Variants in MIER1 observed in about 807,000 individuals in gnomAD.
MIER1 encodes mesoderm induction early response protein 1.
Under a neutral mutation model 75.7 loss-of-function variants are expected in MIER1, and 40 were observed. The observed-to-expected ratio is 0.53, with a 90% CI of 0.41 to 0.69. The LOEUF (loss-of-function observed/expected upper bound fraction) is 0.69. MIER1 is among the 30% of genes least tolerant of loss of function. MIER1 has a pLI of 0.00. For missense variants in MIER1, 574 were observed against 680.2 expected (o/e 0.84, Z 1.74); for synonymous variants, 213 against 223.4 (o/e 0.95, Z 0.42).
intron 2 of MIER1, among the ~76,000 whole-genome samples, chr1:66,939,708 A>G (rs956649361): frequency 6.6e-6 from 1 of 152,148 alleles, no homozygotes; most frequent in Admixed American, 6.5e-5. Context: ...GAAAATTCCA[A>G]GATCTAAAAT....
At chr1:66,946,571 A>G in intron 4 of MIER1, 5 of 1,095,080 alleles carry the variant, frequency 4.6e-6, no homozygotes, top group African/African-American at 1.6e-5. Flanking sequence ...AAAATGGACT[A>G]TAAAAGGATT....
chr1:66,934,212 A>G (rs1164430681), intron 2 of MIER1, among the ~76,000 whole-genome samples: 1 of 152,162 alleles, frequency 6.6e-6, no homozygotes. Flanking sequence ...TTAGGTTTCT[A>G]GAGCAATTTA....
chr1:66,957,996 T>A, intron 4 of MIER1, 63 bp from the exon 5 acceptor site: 1 of 1,052,534 alleles, frequency 9.5e-7, no homozygotes, highest in Non-Finnish European at 1.4e-6. Flanking sequence ...GATTTGTGGA[T>A]TATAGCCTGG....
chr1:66,944,916 G>T (rs570228679), intron 3 of MIER1, among the ~76,000 whole-genome samples: 2 of 151,796 alleles, frequency 1.3e-5, no homozygotes, highest in Non-Finnish European at 2.9e-5. Flanking sequence ...TGTAGAGACG[G>T]TGTCTCATTA....
chr1:66,946,876 A>G, intron 4 of MIER1: 1 of 985,204 alleles, frequency 1.0e-6, no homozygotes, highest in Non-Finnish European at 1.2e-6. Flanking sequence ...TCTGGAGTAC[A>G]CCACTGTCTG....
At chr1:66,929,197 A>C (rs1351856796) in intron 2 of MIER1, 1 of 538,484 alleles carries the variant, frequency 1.9e-6, no homozygotes, top group Non-Finnish European at 3.3e-6. Context: ...ACATTTATGC[A>C]ATGTAGTATT....
chr1:66,928,855 C>A, intron 2 of MIER1: 1 of 1,474,550 alleles, frequency 6.8e-7, no homozygotes, highest in Non-Finnish European at 9.4e-7. Context: ...TTAAAGTTTT[C>A]CTTTCTCTTC....
chr1:66,947,412 C>G (rs1035353528), intron 4 of MIER1: 6 of 152,024 alleles, frequency 3.9e-5, no homozygotes, highest in African/African-American at 1.2e-4. Context: ...TTTCCCTGTC[C>G]TATCAGTAAA....
chr1:66,985,704 G>C lies in MIER1; in HGVS notation c.*804G>C. The C allele has an allele frequency of 1.0e-6, 1 of 984,712 alleles. No individual in the cohort carries two copies. The highest frequency in any genetic ancestry group is 1.2e-6 in the Non-Finnish European group (1 of 829,536). 61.0% of individuals were successfully genotyped at this position (984,712 alleles called of 1,614,324 possible). ...AGGAATTGTTATTCTGAGTCTGTCAGCTTTCATTTTATTTTGCTAAGGTTT... is the reference window on the plus strand; with the variant it reads ...AGGAATTGTTATTCTGAGTCTGTCACCTTTCATTTTATTTTGCTAAGGTTT... On this transcript the variant is annotated 3_prime_UTR_variant, in exon 14 of 14. Transcript: ENST00000401041.
At position 66,988,303 on chromosome 1, in the gene MIER1, T is replaced by TA. The variant is rs200734334; in HGVS notation, c.*3404dup. 889 of 152,454 alleles carry TA rather than the reference T, an allele frequency of 5.8e-3. 2 individuals are homozygous for TA. The highest frequency in any genetic ancestry group is 0.028 in the South Asian group (135 of 4,828). 9.4% of individuals were successfully genotyped at this position (152,454 alleles called of 1,614,324 possible). ...TTTCTGTATCACATAATTCTACTGA[T>TA]ACAACTTTTTACCGTAAAAATTAAC... On this transcript the variant is annotated 3_prime_UTR_variant, in exon 14 of 14. Coordinates refer to ENST00000401041, the MANE Select transcript of MIER1 (RefSeq NM_001077700.3).
At chr1:66,942,940 A>G (rs932425989) in intron 3 of MIER1, among the ~76,000 whole-genome samples, 5 of 152,180 alleles carry the variant, frequency 3.3e-5, no homozygotes, top group Non-Finnish European at 7.4e-5. Context: ...ATGAACTTGA[A>G]TTTTTTTAAA....
At chr1:66,950,597 A>G (rs1323674711) in intron 4 of MIER1, among the ~76,000 whole-genome samples, 1 of 152,236 alleles carries the variant, frequency 6.6e-6, no homozygotes, top group East Asian at 1.9e-4. Flanking sequence ...TAACAGTATC[A>G]GTATTTAATA....
At chr1:66,972,228 T>C (rs1307476777) in intron 10 of MIER1, among the ~76,000 whole-genome samples, 3 of 102,744 alleles carry the variant, frequency 2.9e-5, no homozygotes, top group Non-Finnish European at 4.0e-5. Flanking sequence ...TATATATATA[T>C]ACACTACATA....
At chr1:66,940,101 C>T (rs777266007) in intron 3 of MIER1, 49 bp downstream of exon 3, 3 of 1,393,734 alleles carry the variant, frequency 2.2e-6, no homozygotes, top group Non-Finnish European at 3.1e-6. Context: ...TAACATTTGT[C>T]CTACTAGTTG....
chr1:66,930,088 C>T (rs1278218281), intron 2 of MIER1, among the ~76,000 whole-genome samples: 3 of 152,126 alleles, frequency 2.0e-5, no homozygotes, highest in African/African-American at 4.8e-5. Flanking sequence ...CCACACCCAC[C>T]TTGACTCCGC....
At chr1:66,958,660 A>C (rs1660646667) in intron 5 of MIER1, among the ~76,000 whole-genome samples, 191 bp from the exon 6 acceptor site, 1 of 151,862 alleles carries the variant, frequency 6.6e-6, no homozygotes. Context: ...ACTAAACTGC[A>C]GATTGAATTA....
rs1666986559 is a variant in MIER1, at chr1:66,987,918, A to G, written c.*3018A>G. The G allele has an allele frequency of 6.6e-6, 1 of 151,442 alleles. No homozygotes were observed. Among genetic ancestry groups the G allele is most frequent in the South Asian group, 2.1e-4 (1 of 4,814 alleles). The allele number at this position is 151,442 out of a possible 1,614,324, so 9.4% of individuals were successfully genotyped here. A position where few individuals can be genotyped will look rare whatever the true frequency, so the allele number is the denominator to read the frequency against. The stretch of plus-strand genomic sequence containing the variant: ...CCTTTCAGTCCCTAGACCTCCATTC[A>G]CTCTGTTTCTCTTCTGCTGGATTAT... On this transcript the variant is annotated 3_prime_UTR_variant, in exon 14 of 14. Coordinates refer to ENST00000401041, the MANE Select transcript of MIER1 (RefSeq NM_001077700.3).
intron 4 of MIER1, among the ~76,000 whole-genome samples, chr1:66,954,988 C>A (rs577429079): frequency 2.0e-5 from 3 of 152,206 alleles, no homozygotes; most frequent in South Asian, 4.1e-4. Context: ...GGATTACAGG[C>A]GTGAGCCACT....
At chr1:66,955,709 C>CT (rs759974224) in intron 4 of MIER1, among the ~76,000 whole-genome samples, 2 of 152,096 alleles carry the variant, frequency 1.3e-5, no homozygotes, top group African/African-American at 2.4e-5. Context: ...TTCATGAACT[C>CT]TTAAGGCCTA....
Sources: allele counts gnomAD v4.1 joint callset (sites outside exome capture counted in the v4.1 genomes callset), GRCh38; gene constraint gnomAD v4.1.1; transcripts MANE v1.5; gene names NCBI Gene and HGNC (gene_info 2026-07-23, HGNC 2026-07-21).